NAV2: variants seen among roughly 807,000 people sequenced by gnomAD.
The protein encoded by NAV2 is neuron navigator 2, also known as helicase, APC down-regulated 1.
A neutral mutation model predicts 223.2 loss-of-function variants in NAV2; 54 were observed. The observed-to-expected ratio is 0.24, with a 90% CI of 0.19 to 0.30. The LOEUF (loss-of-function observed/expected upper bound fraction) is 0.30. Ranked by LOEUF, NAV2 falls within the 10% of genes least tolerant of loss-of-function variation. NAV2 has a pLI of 1.00. For missense variants in NAV2, 2,806 were observed against 3,147.5 expected (o/e 0.89, Z 2.60); for synonymous variants, 1,279 against 1,239.3 (o/e 1.03, Z -0.67).
intron 1 of NAV2, among the ~76,000 whole-genome samples, chr11:19,698,856 G>T (rs1409829037): frequency 6.6e-6 from 1 of 152,106 alleles, no homozygotes; most frequent in Admixed American, 6.5e-5. Flanking sequence ...GTGTGTAGGC[G>T]GGTAAGAAAA....
At chr11:19,548,700 C>G (rs571405629) in intron 1 of NAV2, among the ~76,000 whole-genome samples, 1 of 145,728 alleles carries the variant, frequency 6.9e-6, no homozygotes, top group South Asian at 2.2e-4. Context: ...AACCCCGTCT[C>G]TACTAAAGAT....
intron 4 of NAV2, among the ~76,000 whole-genome samples, chr11:19,870,027 G>A (rs1390548307): frequency 6.6e-6 from 1 of 152,138 alleles, no homozygotes; most frequent in Non-Finnish European, 1.5e-5. Context: ...TTAATGCCTC[G>A]TGGATGTATT....
intron 22 of NAV2, among the ~76,000 whole-genome samples, 180 bp from the exon 23 acceptor site, chr11:20,077,372 G>A (rs1339722224): frequency 6.6e-6 from 1 of 152,064 alleles, no homozygotes; most frequent in Non-Finnish European, 1.5e-5. Context: ...GGTTGTTTGA[G>A]CAAGTAGAAG....
At chr11:20,091,833 C>T (rs2060872280) in intron 27 of NAV2, among the ~76,000 whole-genome samples, 2 of 152,170 alleles carry the variant, frequency 1.3e-5, no homozygotes, top group Admixed American at 6.5e-5. Context: ...TGCCTCTGTT[C>T]AATTCATGGC....
intron 11 of NAV2, among the ~76,000 whole-genome samples, chr11:20,010,227 G>C (rs977904551): frequency 6.6e-6 from 1 of 152,100 alleles, no homozygotes; most frequent in Non-Finnish European, 1.5e-5. Context: ...TAATTGTGAA[G>C]ATGTCTTTTT....
intron 1 of NAV2, among the ~76,000 whole-genome samples, chr11:19,667,383 G>A (rs2135775771): frequency 6.6e-6 from 1 of 152,324 alleles, no homozygotes; most frequent in Middle Eastern, 3.4e-3. Flanking sequence ...ATGTGTATCT[G>A]ACTATGGGCA....
intron 1 of NAV2, among the ~76,000 whole-genome samples, chr11:19,610,805 A>G (rs2046618353): frequency 6.6e-6 from 1 of 151,456 alleles, no homozygotes; most frequent in South Asian, 2.1e-4. Flanking sequence ...TGGATGGGGC[A>G]GTGGATGGAT....
At chr11:19,664,845 G>A (rs1565149760) in intron 1 of NAV2, among the ~76,000 whole-genome samples, 1 of 152,222 alleles carries the variant, frequency 6.6e-6, no homozygotes, top group Admixed American at 6.5e-5. Context: ...TGTTTGCAAT[G>A]TGCTAGACAT....
At chr11:19,890,572 T>C (rs2041422201) in intron 5 of NAV2, among the ~76,000 whole-genome samples, 2 of 152,196 alleles carry the variant, frequency 1.3e-5, no homozygotes, top group South Asian at 4.1e-4. Flanking sequence ...AAGTCCATAA[T>C]CCTTTTCTAG....
At chr11:19,601,576 T>A (rs771454657) in intron 1 of NAV2, among the ~76,000 whole-genome samples, 35 of 152,174 alleles carry the variant, frequency 2.3e-4, no homozygotes, top group Non-Finnish European at 4.3e-4. Flanking sequence ...CATCTGGTAA[T>A]GGGGAAATGG....
intron 10 of NAV2, among the ~76,000 whole-genome samples, chr11:19,967,429 G>A (rs1449115512): frequency 6.6e-6 from 1 of 152,002 alleles, no homozygotes; most frequent in Admixed American, 6.6e-5. Context: ...GTAACAAGGT[G>A]CAGGATTCAA....
At chr11:19,742,409 C>A (rs901074155) in intron 1 of NAV2, among the ~76,000 whole-genome samples, 1 of 152,196 alleles carries the variant, frequency 6.6e-6, no homozygotes, top group African/African-American at 2.4e-5. Context: ...ATAGTTAGTG[C>A]CCAATAAACA....
intron 1 of NAV2, among the ~76,000 whole-genome samples, chr11:19,470,469 C>G (rs2041928589): frequency 6.6e-6 from 1 of 152,174 alleles, no homozygotes; most frequent in Non-Finnish European, 1.5e-5. Context: ...AAGACGGCAT[C>G]TTGTGAGGGC....
intron 1 of NAV2, among the ~76,000 whole-genome samples, chr11:19,533,573 TC>T (rs2044091203): frequency 6.6e-6 from 1 of 152,176 alleles, no homozygotes; most frequent in Non-Finnish European, 1.5e-5. Context: ...AACCAGGTTC[TC>T]CCTGTCTTTT....
At chr11:20,011,980 T>A (rs1172701322) in intron 11 of NAV2, among the ~76,000 whole-genome samples, 2 of 152,212 alleles carry the variant, frequency 1.3e-5, no homozygotes, top group East Asian at 3.9e-4. Flanking sequence ...ATTCTGACAT[T>A]TGTGTGTGCA....
intron 6 of NAV2, among the ~76,000 whole-genome samples, chr11:19,899,290 G>C (rs949363802): frequency 6.6e-6 from 1 of 152,162 alleles, no homozygotes; most frequent in Non-Finnish European, 1.5e-5. Flanking sequence ...TAACTTTGGG[G>C]CCATTGATTT....
chr11:19,945,130 T>C (rs2046803404), intron 8 of NAV2, among the ~76,000 whole-genome samples: 1 of 148,348 alleles, frequency 6.7e-6, no homozygotes, highest in African/African-American at 2.5e-5. Context: ...TCTTTCTTTC[T>C]TTCTTTCTTC....
intron 8 of NAV2, among the ~76,000 whole-genome samples, chr11:19,944,485 C>G (rs902682194): frequency 6.8e-6 from 1 of 147,654 alleles, no homozygotes; most frequent in African/African-American, 2.6e-5. Context: ...CTTCTCCTTT[C>G]CCCTTTCCCC....
At position 19,998,587 on chromosome 11, in the gene NAV2, T is replaced by C. The variant is rs538871619; in HGVS notation, c.2768+14340T>C. 6.6e-6 allele frequency among the ~76,000 whole-genome samples: 1 copy of C among 152,214 alleles called. No individual in the cohort carries two copies. Among genetic ancestry groups the C allele is most frequent in the South Asian group, 2.1e-4 (1 of 4,826 alleles). On this transcript the variant is annotated intron_variant, in intron 11 of 37. Transcript: ENST00000349880. This position sits in a 1 kb window ranked among gnomAD's most constrained non-coding sequence, Gnocchi z 5.0. ...CTGGCCCCTGCGCACCTCTCCAGCCTCACCTCATCACGCTTTACCTCCCTG... is the reference window on the plus strand; with the variant it reads ...CTGGCCCCTGCGCACCTCTCCAGCCCCACCTCATCACGCTTTACCTCCCTG...
Sources: allele counts gnomAD v4.1 joint callset (sites outside exome capture counted in the v4.1 genomes callset), GRCh38; gene constraint gnomAD v4.1.1; non-coding constraint Gnocchi (gnomAD v3.1); transcripts MANE v1.5; gene names NCBI Gene and HGNC (gene_info 2026-07-23, HGNC 2026-07-21).